CPNE9: variants seen among roughly 807,000 people sequenced by gnomAD.
CPNE9 encodes copine family member 9.
CPNE9 carries 59 observed loss-of-function variants against 83.0 expected under a neutral mutation model. The observed-to-expected ratio is 0.71, with a 90% confidence interval of 0.58 to 0.88. The LOEUF is 0.88. Ranked by LOEUF, CPNE9 falls within the 40% of genes least tolerant of loss-of-function variation. CPNE9 has a pLI of 0.00. For synonymous variants in CPNE9, 256 were observed against 273.4 expected (o/e 0.94, Z 0.63); for missense variants, 619 against 720.8 (o/e 0.86, Z 1.62).
In CPNE9 at chr3:9,719,213, T is replaced by TACA. The variant is rs767783059; in HGVS notation, c.1241+612_1241+614dup. On this transcript the variant is annotated intron_variant, in intron 17 of 20. Transcript: ENST00000383832. The stretch of plus-strand genomic sequence containing the variant: ...ATGTGTATAGGTTATATGCAAATAC[T>TACA]ACACCATTTTATATGACGGACTTGA... Among the ~76,000 whole-genome samples the TACA allele has an allele frequency of 5.3e-5, 8 of 152,302 alleles. No homozygotes were observed. The East Asian group carries it at 1.3e-3, about 26-fold the overall frequency.
Position 9,705,514 on chromosome 3 carries a change from T to C in CPNE9, c.297+14T>C. 1 of 1,605,470 alleles carries C rather than the reference T, an allele frequency of 6.2e-7. No homozygotes were observed. On this transcript the variant is annotated intron_variant, in intron 5 of 20. Coordinates refer to ENST00000383832, the MANE Select transcript of CPNE9 (RefSeq NM_153635.3). ...ATCTCCAAACCGGTGAGCAAACGTT[T>C]CCTCGAGGGTTGGCGGAGCGCACAG...
chr3:9,729,008 G>T (rs1167271434), intron 20 of CPNE9, among the ~76,000 whole-genome samples: 2 of 152,132 alleles, frequency 1.3e-5, no homozygotes, highest in African/African-American at 2.4e-5. Flanking sequence ...GGAAGTGTAT[G>T]AAATCATCCA....
chr3:9,703,985 G>A lies in CPNE9; in HGVS notation c.-12G>A. 4 of 1,596,890 alleles carry A rather than the reference G, an allele frequency of 2.5e-6. No individual in the cohort carries two copies. The highest frequency in any genetic ancestry group is 3.4e-6 in the Non-Finnish European group (4 of 1,175,106). ...CTCGCAGCCTCCTGCGGCTCTGGTCGCCCGACCAGCCATGTCTCTCGGCGG... is the reference window on the plus strand; with the variant it reads ...CTCGCAGCCTCCTGCGGCTCTGGTCACCCGACCAGCCATGTCTCTCGGCGG... On this transcript the variant is annotated 5_prime_UTR_variant, in exon 1 of 21. Coordinates refer to ENST00000383832, the MANE Select transcript of CPNE9 (RefSeq NM_153635.3).
chr3:9,712,885 G>A, intron 9 of CPNE9, 57 bp downstream of exon 9: 1 of 1,574,986 alleles, frequency 6.3e-7, no homozygotes, highest in South Asian at 1.1e-5. Flanking sequence ...TTAACAAGTG[G>A]GGGAATCTCA....
intron 17 of CPNE9, 145 bp from the exon 18 acceptor site, chr3:9,725,804 C>G (rs914646395): frequency 4.5e-6 from 3 of 663,832 alleles, no homozygotes; most frequent in Non-Finnish European, 8.2e-6. Context: ...CAGTGGCAGG[C>G]TGCCAGGTCT....
intron 7 of CPNE9, among the ~76,000 whole-genome samples, chr3:9,710,810 A>C (rs954081906): frequency 3.3e-5 from 5 of 152,212 alleles, no homozygotes; most frequent in Non-Finnish European, 5.9e-5. Flanking sequence ...GGATCTCTTG[A>C]GGCCAGGAGT....
chr3:9,705,580 C>T, intron 5 of CPNE9, 80 bp downstream of exon 5: 2 of 1,565,536 alleles, frequency 1.3e-6, no homozygotes, highest in Non-Finnish European at 1.8e-6. Flanking sequence ...GAACTCCTCC[C>T]AACCCTCGAC....
chr3:9,703,895 G>T lies in CPNE9; in HGVS notation c.-102G>T. On this transcript the variant is annotated 5_prime_UTR_variant, in exon 1 of 21. Transcript: ENST00000383832. ...TGGAGCGAGTGCAGCCGCCGCCGCC[G>T]CCGACACCGCGGCACATGGGCCGGC... 3.0e-6 allele frequency: 3 copies of T among 990,054 alleles called. No individual in the cohort carries two copies. Among genetic ancestry groups the T allele is most frequent in the Non-Finnish European group, 4.2e-6 (3 of 709,606 alleles). The allele number at this position is 990,054 out of a possible 1,614,324, so 61.3% of individuals were successfully genotyped here. A position where few individuals can be genotyped will look rare whatever the true frequency, so the allele number is the denominator to read the frequency against.
intron 10 of CPNE9, among the ~76,000 whole-genome samples, chr3:9,713,979 A>T (rs1185423834): frequency 6.6e-6 from 1 of 152,158 alleles, no homozygotes; most frequent in Non-Finnish European, 1.5e-5. Context: ...AGGCTGAGGC[A>T]GGAGAATGGC....
Position 9,703,836 on chromosome 3 carries a change from G to A in CPNE9, c.-161G>A. The A allele has an allele frequency of 2.4e-6, 1 of 412,274 alleles. No homozygotes were observed. The highest frequency in any genetic ancestry group is 4.0e-6 in the Non-Finnish European group (1 of 247,636). 25.5% of individuals were successfully genotyped at this position (412,274 alleles called of 1,614,324 possible). On this transcript the variant is annotated 5_prime_UTR_variant, in exon 1 of 21. Coordinates refer to ENST00000383832, the MANE Select transcript of CPNE9 (RefSeq NM_153635.3). ...GGAGCCGCTGCCGCCGGCGGCCACTGTCAGGGCGCGAGCGGCTGGAGCGCA... is the reference window on the plus strand; with the variant it reads ...GGAGCCGCTGCCGCCGGCGGCCACTATCAGGGCGCGAGCGGCTGGAGCGCA...
At position 9,715,545 on chromosome 3, in the gene CPNE9, C is replaced by T. The variant is rs757495642; in HGVS notation, c.822+19C>T. 5.6e-6 allele frequency: 9 copies of T among 1,606,846 alleles called. No individual in the cohort carries two copies. Among genetic ancestry groups the T allele is most frequent in the Non-Finnish European group, 7.7e-6 (9 of 1,173,618 alleles). On this transcript the variant is annotated intron_variant, in intron 13 of 20. Transcript: ENST00000383832. ...AGGAACTGTGAGTGCTCCCTAGAGC[C>T]GTGGCCCTCCCTGGATCCTTCCGTG...
At chr3:9,718,860 CAG>C (rs1426966991) in intron 17 of CPNE9, among the ~76,000 whole-genome samples, 2 of 127,244 alleles carry the variant, frequency 1.6e-5, no homozygotes, top group Non-Finnish European at 3.2e-5. Context: ...TTTTTTGAGA[CAG>C]AGTCTTGCTC....
At chr3:9,722,983 C>T (rs2076747142) in intron 17 of CPNE9, among the ~76,000 whole-genome samples, 1 of 152,222 alleles carries the variant, frequency 6.6e-6, no homozygotes, top group Non-Finnish European at 1.5e-5. Flanking sequence ...AACCTCAATA[C>T]ACTTTAGTAG....
At chr3:9,705,416 C>CAAAACGG in intron 4 of CPNE9, 48 bp from the exon 5 acceptor site, 1 of 821,924 alleles carries the variant, frequency 1.2e-6, no homozygotes, top group Non-Finnish European at 2.0e-6. Flanking sequence ...CCTTTCCACC[C>CAAAACGG]TCTCCCCCAC....
intron 7 of CPNE9, 66 bp downstream of exon 7, chr3:9,706,129 C>A: frequency 6.7e-7 from 1 of 1,493,488 alleles, no homozygotes; most frequent in Non-Finnish European, 9.3e-7. Flanking sequence ...CCCAAGGATG[C>A]CGCTGACTGA....
chr3:9,725,910 C>A, intron 17 of CPNE9, 39 bp from the exon 18 acceptor site: 1 of 1,510,812 alleles, frequency 6.6e-7, no homozygotes, highest in Non-Finnish European at 9.2e-7. Flanking sequence ...CTTGGCCTGT[C>A]TGGCTTTCAG....
rs749203560 is a variant in CPNE9, at chr3:9,706,025, G to C, written c.339G>C (p.Val113=). 1 of 1,613,682 alleles carries C rather than the reference G, an allele frequency of 6.2e-7. No individual in the cohort carries two copies. Among genetic ancestry groups the C allele is most frequent in the Non-Finnish European group, 8.5e-7 (1 of 1,179,996 alleles). The change falls in exon 7 of 21, where the codon GTG becomes GTC. Residue 113 remains valine, a synonymous_variant. Transcript: ENST00000383832. The part of the protein sequence containing the change: ...LGQAFLALGE[V]IGGQGSRVER... ...AAGCGTTCCTGGCCCTGGGAGAGGTGATTGGAGGCCAGGGCAGCCGAGTAG... is the reference window on the plus strand; with the variant it reads ...AAGCGTTCCTGGCCCTGGGAGAGGTCATTGGAGGCCAGGGCAGCCGAGTAG...
At chr3:9,721,730 G>A (rs1187394806) in intron 17 of CPNE9, among the ~76,000 whole-genome samples, 1 of 152,142 alleles carries the variant, frequency 6.6e-6, no homozygotes, top group Non-Finnish European at 1.5e-5. Context: ...TGACTAGAGT[G>A]CGCACTGTGT....
rs1242031371 is a variant in CPNE9 at position 9,712,964 on chromosome 3, C to T, written c.546-11C>T. ...AGATAAATTATACCAATTCTTCCCA[C>T]TCCCCTCCAGGTTCACCATCTGCCA... On this transcript the variant is annotated splice_polypyrimidine_tract_variant and intron_variant, in intron 9 of 20. Coordinates refer to ENST00000383832, the MANE Select transcript of CPNE9 (RefSeq NM_153635.3). 1 of 1,610,134 alleles carries T rather than the reference C, an allele frequency of 6.2e-7. No homozygotes were observed. The highest frequency in any genetic ancestry group is 8.5e-7 in the Non-Finnish European group (1 of 1,176,486).
Sources: allele counts gnomAD v4.1 joint callset (sites outside exome capture counted in the v4.1 genomes callset), GRCh38; gene constraint gnomAD v4.1.1; transcripts MANE v1.5; gene names NCBI Gene and HGNC (gene_info 2026-07-23, HGNC 2026-07-21).